HDHD5: variants seen among roughly 807,000 people sequenced by gnomAD.
HDHD5 encodes haloacid dehalogenase-like hydrolase domain-containing 5.
HDHD5 carries 34 observed loss-of-function variants against 35.5 expected under a neutral mutation model. The observed-to-expected ratio is 0.96, with a 90% CI of 0.73 to 1.28. The LOEUF (loss-of-function observed/expected upper bound fraction) is 1.28, where lower values mean the gene tolerates loss of function less well. HDHD5 is among the 50% of genes most tolerant of loss of function. HDHD5 has a pLI of 0.00. For missense variants in HDHD5, 589 were observed against 560.2 expected (o/e 1.05, Z -0.52); for synonymous variants, 248 against 240.6 (o/e 1.03, Z -0.29).
At position 17,138,173 on chromosome 22, in the gene HDHD5, T is replaced by C; in HGVS notation, c.1120A>G (p.Thr374Ala). ...TCCCCTCCTCCAAGGACAGGCTCCG[T>C]GGACTGTGGGTTCCTGGGATTGTAG... ...GVYNPRNPQS[T>A]EPVLGGGEPP... Residue 374 changes from threonine (T) to alanine (A), a missense_variant, in exon 8 of 8, where the codon ACG becomes GCG. Physicochemically the swap from Thr to Ala is moderately conservative, Grantham distance 58. Transcript: ENST00000336737. The C allele has an allele frequency of 6.2e-7, 1 of 1,614,106 alleles. No homozygotes were observed. The highest frequency in any genetic ancestry group is 8.5e-7 in the Non-Finnish European group (1 of 1,180,008).
intron 5 of HDHD5, 124 bp downstream of exon 5, chr22:17,142,974 G>T: frequency 1.1e-6 from 1 of 896,294 alleles, no homozygotes; most frequent in Non-Finnish European, 1.6e-6. Flanking sequence ...CAGAGCCCAG[G>T]TGTCCTGACT....
chr22:17,144,912 C>T, intron 4 of HDHD5, 112 bp downstream of exon 4: 1 of 1,301,860 alleles, frequency 7.7e-7, no homozygotes, highest in East Asian at 2.5e-5. Flanking sequence ...TCCAAAGAAG[C>T]ATGGACAAAT....
intron 6 of HDHD5, among the ~76,000 whole-genome samples, chr22:17,140,561 G>A (rs2061588394): frequency 6.6e-6 from 1 of 152,026 alleles, no homozygotes; most frequent in South Asian, 2.1e-4. Context: ...CTCCAGCCTG[G>A]ATGAGAGAGT....
upstream of HDHD5, chr22:17,159,333 G>T: frequency 2.5e-6 from 3 of 1,214,176 alleles, no homozygotes; most frequent in Non-Finnish European, 3.1e-6. Flanking sequence ...ATCAGCGGTC[G>T]GCGCGCGCGG....
chr22:17,144,983 G>A, intron 4 of HDHD5, 41 bp downstream of exon 4: 1 of 1,611,194 alleles, frequency 6.2e-7, no homozygotes, highest in Admixed American at 1.7e-5. Context: ...CACTGGAGGA[G>A]TGAAGGATGA....
chr22:17,138,498 G>C, intron 7 of HDHD5, 52 bp downstream of exon 7: 1 of 1,577,996 alleles, frequency 6.3e-7, no homozygotes, highest in Non-Finnish European at 8.7e-7. Context: ...TAGAGGAGGA[G>C]GGAGAGAAGG....
chr22:17,138,394 G>A (rs2061559689), intron 7 of HDHD5, 37 bp from the exon 8 acceptor site: 1 of 1,585,656 alleles, frequency 6.3e-7, no homozygotes, highest in African/African-American at 1.4e-5. Flanking sequence ...GGAAAAAGGA[G>A]AAAAAACCCT....
At chr22:17,164,830 C>T (rs1031879989) in intron 1 of HDHD5, among the ~76,000 whole-genome samples, 1 of 152,194 alleles carries the variant, frequency 6.6e-6, no homozygotes, top group African/African-American at 2.4e-5. Context: ...GCATATCCTA[C>T]CTCACACCAG....
At chr22:17,160,024 G>A (rs1416416814), upstream of HDHD5, among the ~76,000 whole-genome samples, 2 of 152,232 alleles carry the variant, frequency 1.3e-5, no homozygotes, top group African/African-American at 2.4e-5. Context: ...AGCTGGATCT[G>A]GTAGTCCCCC....
rs1238499650 is a variant in HDHD5, at chr22:17,138,086, C to A, written c.1207G>T (p.Val403Leu). ...FSPGLMEASH[V>L]VNDVNEAVQL... ...ACAGCCTCATTCACGTCATTCACCA[C>A]GTGGGAGGCCTCCATGAGCCCTGGA... The change falls in exon 8 of 8, where the codon GTG (valine) becomes TTG (leucine). Residue 403 changes from valine (V) to leucine (L), a missense_variant. Transcript: ENST00000336737. The A allele has an allele frequency of 1.2e-5, 19 of 1,614,172 alleles. No individual in the cohort carries two copies. Among genetic ancestry groups the A allele is most frequent in the Non-Finnish European group, 1.5e-5 (18 of 1,180,030 alleles).
intron 1 of HDHD5, among the ~76,000 whole-genome samples, chr22:17,154,573 T>C (rs536985928): frequency 6.6e-6 from 1 of 151,786 alleles, no homozygotes; most frequent in East Asian, 1.9e-4. Flanking sequence ...TGTTGTTAGG[T>C]ATGATACTGG....
At chr22:17,163,642 G>A (rs1287492903), upstream of HDHD5, among the ~76,000 whole-genome samples, 1 of 152,158 alleles carries the variant, frequency 6.6e-6, no homozygotes, top group Non-Finnish European at 1.5e-5. Context: ...CTCATCTCAA[G>A]TGAGCCACAT....
At chr22:17,148,702 C>A (rs2061693454) in intron 2 of HDHD5, 142 bp from the exon 3 acceptor site, 1 of 647,500 alleles carries the variant, frequency 1.5e-6, no homozygotes, top group Non-Finnish European at 2.8e-6. Context: ...CTTTCTAGCA[C>A]CCAGCAGCAC....
At position 17,138,199 on chromosome 22, in the gene HDHD5, A is replaced by G; in HGVS notation, c.1094T>C (p.Val365Ala). ...GGACTGTGGGTTCCTGGGATTGTAG[A>G]CGCCTGTACACACCAGGATGGAGAT... ...SCISILVCTGVYNPRNPQSTE... is the reference protein window; with the variant it reads ...SCISILVCTGAYNPRNPQSTE... Residue 365 changes from valine (V) to alanine (A), a missense_variant, in exon 8 of 8, where the codon GTC (valine) becomes GCC (alanine). By Grantham distance (64) the Val-to-Ala change is moderately conservative. Coordinates refer to ENST00000336737, the MANE Select transcript of HDHD5 (RefSeq NM_033070.3). 3 of 1,614,038 alleles carry G rather than the reference A, an allele frequency of 1.9e-6. No homozygotes were observed. Among genetic ancestry groups the G allele is most frequent in the Non-Finnish European group, 2.5e-6 (3 of 1,180,008 alleles).
At chr22:17,158,461 T>G (rs1389470157) in intron 1 of HDHD5, 2 of 152,242 alleles carry the variant, frequency 1.3e-5, no homozygotes, top group African/African-American at 4.8e-5. Flanking sequence ...ACCAACCTGG[T>G]TTAGTGTCCT....
chr22:17,145,754 G>A (rs1190949912), intron 3 of HDHD5, among the ~76,000 whole-genome samples: 1 of 152,128 alleles, frequency 6.6e-6, no homozygotes, highest in Non-Finnish European at 1.5e-5. Flanking sequence ...CAAAACCAGT[G>A]TTCTCTGAGA....
intron 1 of HDHD5, among the ~76,000 whole-genome samples, chr22:17,150,273 A>G (rs1250291349): frequency 1.3e-5 from 2 of 152,222 alleles, no homozygotes; most frequent in Non-Finnish European, 2.9e-5. Context: ...AATAGTCTTT[A>G]TAACCATCTT....
Position 17,158,999 on chromosome 22 carries a change from G to T in HDHD5, c.126+127C>A, listed in dbSNP as rs953498792. ...GCAAGAACGCGATGCACTCGGGCGC[G>T]ACGACGGTCCAGGCAGTTCCCAGGA... is the stretch of plus-strand genomic sequence containing the variant. On this transcript the variant is annotated intron_variant, in intron 1 of 7. Coordinates refer to ENST00000336737, the MANE Select transcript of HDHD5 (RefSeq NM_033070.3). The T allele has an allele frequency of 1.5e-5, 13 of 895,656 alleles. No homozygotes were observed. The African/African-American group carries it at 2.1e-4, about 15-fold the overall frequency. The allele number at this position is 895,656 out of a possible 1,614,324, so 55.5% of individuals were successfully genotyped here. A position where few individuals can be genotyped will look rare whatever the true frequency, so the allele number is the denominator to read the frequency against.
chr22:17,163,344 C>G (rs547875379), upstream of HDHD5, among the ~76,000 whole-genome samples: 1 of 152,288 alleles, frequency 6.6e-6, no homozygotes, highest in East Asian at 1.9e-4. Context: ...ATCAGAATCA[C>G]CTGGAGGTCT....
Sources: allele counts gnomAD v4.1 joint callset (sites outside exome capture counted in the v4.1 genomes callset), GRCh38; gene constraint gnomAD v4.1.1; transcripts MANE v1.5; gene names NCBI Gene and HGNC (gene_info 2026-07-23, HGNC 2026-07-21).